The following MED16 variants were observed in gnomAD, a reference collection of about 807,000 sequenced individuals.
The protein encoded by MED16 is mediator complex subunit 16, also known as mediator of RNA polymerase II transcription subunit 16.
In MED16, 81 loss-of-function variants were observed where a neutral mutation model predicts 84.4. That is an observed-to-expected ratio of 0.96 (90% CI 0.80 to 1.15). The LOEUF (loss-of-function observed/expected upper bound fraction) is 1.15, where lower values mean the gene tolerates loss of function less well. Among genes scored for constraint, MED16 ranks in the 50% most tolerant of loss-of-function variants. The pLI, the probability that MED16 is intolerant of heterozygous loss-of-function variation, is 0.00. For missense variants in MED16, 1,585 were observed against 1,245.9 expected, an observed-to-expected ratio of 1.27 and a Z score of -4.10; for synonymous variants, 897 against 552.2, an observed-to-expected ratio of 1.62 and a Z score of -8.76.
At chr19:883,495 AGGGGGAGAGAT>A (rs746425533) in intron 6 of MED16, among the ~76,000 whole-genome samples, 125 of 118,146 alleles carry the variant, frequency 1.1e-3, no homozygotes, top group Non-Finnish European at 1.8e-3. Context: ...GTGGGGCGGT[AGGGGGAGAGAT>A]GGGGGAGAGA....
At chr19:887,772 G>A (rs932954819) in intron 4 of MED16, among the ~76,000 whole-genome samples, 3 of 152,156 alleles carry the variant, frequency 2.0e-5, no homozygotes, top group Admixed American at 6.5e-5. Flanking sequence ...GACACAGAAG[G>A]CTACGCAGTG....
At chr19:875,110 G>C (rs975051083) in intron 10 of MED16, 134 bp downstream of exon 10, 26 of 555,414 alleles carry the variant, frequency 4.7e-5, no homozygotes, top group African/African-American at 4.3e-4. Context: ...GCTGCAGTGA[G>C]CTGAGATCGC....
In MED16 at chr19:877,400, G is replaced by A. The variant is rs554767092; in HGVS notation, c.1354-220C>T. Among the ~76,000 whole-genome samples the A allele has an allele frequency of 6.6e-5, 10 of 152,254 alleles. No homozygotes were observed. In the East Asian group the frequency reaches 1.5e-3, roughly 23 times the overall value. ...AGGGAAGGAAACCTCCCTGAGCCCC[G>A]ACTGCACTGGATGCCGAGCCAGGCT... On this transcript the variant is annotated intron_variant, in intron 8 of 15. Coordinates refer to ENST00000325464, the MANE Select transcript of MED16 (RefSeq NM_005481.3).
chr19:886,253 C>G, intron 4 of MED16, 52 bp from the exon 5 acceptor site: 1 of 1,416,054 alleles, frequency 7.1e-7, no homozygotes, highest in Admixed American at 2.6e-5. Flanking sequence ...ATGGGGGCTG[C>G]CCCATGACCC....
chr19:871,715 T>C (rs1488787404), intron 12 of MED16: 19 of 1,173,066 alleles, frequency 1.6e-5, no homozygotes, highest in African/African-American at 3.8e-5. Context: ...CAGGGGCTTA[T>C]GTTCTGGCGG....
chr19:870,120 T>G (rs1439186129), intron 13 of MED16, among the ~76,000 whole-genome samples: 1 of 152,160 alleles, frequency 6.6e-6, no homozygotes, highest in Non-Finnish European at 1.5e-5. Flanking sequence ...AGGTGTCTGC[T>G]CAGCAGGGCC....
intron 4 of MED16, among the ~76,000 whole-genome samples, chr19:887,720 G>A (rs776168861): frequency 1.3e-5 from 2 of 152,014 alleles, no homozygotes; most frequent in Non-Finnish European, 1.5e-5. Context: ...AGGCCACAGC[G>A]GGGATGCACC....
Position 891,115 on chromosome 19 carries a change from C to T in MED16, c.17G>A (p.Arg6Gln), listed in dbSNP as rs539260775. 39 of 1,613,326 alleles carry T rather than the reference C, an allele frequency of 2.4e-5. No homozygotes were observed. The highest frequency in any genetic ancestry group is 2.2e-4 in the Admixed American group (13 of 59,846). The stretch of plus-strand genomic sequence containing the variant: ...GTCCATCATCCCACCTGCCGCTGGC[C>T]GCCGCAAATCACACATGAGGGCAGT... MCDLR[R>Q]PAAGGMMDLA... The change falls in exon 2 of 16, where the codon CGG becomes CAG. Residue 6 changes from arginine (R) to glutamine (Q), a missense_variant. Coordinates refer to ENST00000325464, the MANE Select transcript of MED16 (RefSeq NM_005481.3).
chr19:891,187 T>C (rs2036624769), intron 1 of MED16, 38 bp from the exon 2 acceptor site: 1 of 1,566,106 alleles, frequency 6.4e-7, no homozygotes, highest in South Asian at 1.2e-5. Flanking sequence ...CTATGTTGGC[T>C]GAGCACCCAG....
chr19:887,186 TA>T (rs145239515), intron 4 of MED16, among the ~76,000 whole-genome samples: 1 of 150,178 alleles, frequency 6.7e-6, no homozygotes, highest in African/African-American at 2.5e-5. Flanking sequence ...AGTTACAAGT[TA>T]AAAAAAAACA....
Position 886,101 on chromosome 19 carries a change from G to C in MED16, c.548C>G (p.Thr183Arg), listed in dbSNP as rs369984322. 1 of 1,589,456 alleles carries C rather than the reference G, an allele frequency of 6.3e-7. No individual in the cohort carries two copies. Among genetic ancestry groups the C allele is most frequent in the Non-Finnish European group, 8.5e-7 (1 of 1,171,248 alleles). Residue 183 changes from threonine to arginine, a missense_variant, in exon 5 of 16, where the codon ACG becomes AGG. Thr to Arg is a moderately conservative substitution (Grantham distance 71, BLOSUM62 -1). Transcript: ENST00000325464. Reference protein sequence around the residue: ...GKPMEGWIAVTVSGLVTVSLL... With the variant: ...GKPMEGWIAVRVSGLVTVSLL... ...GGACACGGTGACCAGGCCGCTGACC[G>C]TCACCGCGATCCAGCCCTCCATGGG...
Position 890,931 on chromosome 19 carries a change from C to T in MED16, c.169+32G>A, listed in dbSNP as rs539978173. ...GGAACAGGGCGGGACACCATGCGGCCGGGAGGGGAAGCAGGTGGGAGGGGG... is the reference window on the plus strand; with the variant it reads ...GGAACAGGGCGGGACACCATGCGGCTGGGAGGGGAAGCAGGTGGGAGGGGG... On this transcript the variant is annotated intron_variant, in intron 2 of 15. Coordinates refer to ENST00000325464, the MANE Select transcript of MED16 (RefSeq NM_005481.3). 11 of 1,604,318 alleles carry T rather than the reference C, an allele frequency of 6.9e-6. 1 individual carries two copies. The highest frequency in any genetic ancestry group is 4.5e-5 in the East Asian group (2 of 44,584).
chr19:882,402 C>T (rs2036439049), intron 6 of MED16, among the ~76,000 whole-genome samples: 1 of 148,072 alleles, frequency 6.8e-6, no homozygotes, highest in Admixed American at 6.7e-5. Context: ...CTGCACACGC[C>T]TGTAGTCCCA....
At chr19:869,789 C>CA (rs1418149866) in intron 13 of MED16, among the ~76,000 whole-genome samples, 3 of 152,210 alleles carry the variant, frequency 2.0e-5, no homozygotes, top group Admixed American at 2.0e-4. Flanking sequence ...CCTGAGCAAT[C>CA]AGTGGCTCAG....
intron 4 of MED16, among the ~76,000 whole-genome samples, chr19:886,686 G>A (rs1197985118): frequency 2.0e-5 from 3 of 152,240 alleles, no homozygotes; most frequent in Admixed American, 6.5e-5. Context: ...AAGCACCAGC[G>A]GCTGCTGCGG....
intron 4 of MED16, among the ~76,000 whole-genome samples, chr19:887,633 T>C (rs567696459): frequency 1.3e-5 from 2 of 152,184 alleles, no homozygotes; most frequent in East Asian, 3.9e-4. Context: ...ACCACTGCAC[T>C]CCAGCCCGGT....
In MED16 at chr19:885,714, G is replaced by C. The variant is rs548654286; in HGVS notation, c.879+56C>G. ...CGGGTCTCCACCCCCAGGACCCTGA[G>C]AAGCAGTGCTTCATTCCAAGCCTGC... On this transcript the variant is annotated intron_variant, in intron 5 of 15. Coordinates refer to ENST00000325464, the MANE Select transcript of MED16 (RefSeq NM_005481.3). 140 of 1,573,212 alleles carry C rather than the reference G, an allele frequency of 8.9e-5. No homozygotes were observed. In the East Asian group the frequency reaches 3.1e-3, roughly 34 times the overall value.
At chr19:881,865 C>T (rs1042742433) in intron 6 of MED16, 151 bp from the exon 7 acceptor site, 35 of 943,040 alleles carry the variant, frequency 3.7e-5, no homozygotes, top group East Asian at 3.4e-4. Flanking sequence ...AGACCAGGCC[C>T]GGCCAATCCG....
Position 871,112 on chromosome 19 carries a change from G to C in MED16, c.2240C>G (p.Pro747Arg), listed in dbSNP as rs1379798646. ...GLVSRLQPKQ[P>R]LRLQFGRAPT... ...CGCCCGGCCAAACTGCAGACGAAGG[G>C]GCTGCTTGGGCTGCAGGCGGCTAAC... Residue 747 changes from proline to arginine, a missense_variant, in exon 13 of 16, where the codon CCC becomes CGC. Physicochemically the swap from Pro to Arg is moderately radical, Grantham distance 103. Coordinates refer to ENST00000325464, the MANE Select transcript of MED16 (RefSeq NM_005481.3). 3 of 1,548,598 alleles carry C rather than the reference G, an allele frequency of 1.9e-6. No homozygotes were observed. The highest frequency in any genetic ancestry group is 2.6e-6 in the Non-Finnish European group (3 of 1,146,014).
Sources: gnomAD v4.1 joint callset for allele counts (sites outside exome capture counted in the v4.1 genomes callset) on GRCh38, gnomAD v4.1.1 for gene constraint, MANE v1.5 for transcripts, NCBI Gene and HGNC (gene_info 2026-07-23, HGNC 2026-07-21) for gene names.